CASD1: variants seen among roughly 807,000 people sequenced by gnomAD.
The protein encoded by CASD1 is N-acetylneuraminate (7)9-O-acetyltransferase.
CASD1 carries 41 observed loss-of-function variants against 100.0 expected under a neutral mutation model. That is an observed-to-expected ratio of 0.41 (90% CI 0.32 to 0.53). The LOEUF is 0.53. CASD1 is among the 20% of genes least tolerant of loss of function. The pLI is 0.25. For missense variants in CASD1, 774 were observed against 948.7 expected (o/e 0.82, Z 2.42); for synonymous variants, 321 against 315.6 (o/e 1.02, Z -0.18).
chr7:94,510,318 C>T (rs1219677524), intron 1 of CASD1, 101 bp downstream of exon 1: 1 of 930,568 alleles, frequency 1.1e-6, no homozygotes. Flanking sequence ...ACGCGGCCTT[C>T]CGCCGGCCCG....
rs369105732 is a variant in CASD1 at position 94,531,705 on chromosome 7, T to TA, written c.460-1499dup. Among the ~76,000 whole-genome samples, 678 of 152,310 alleles carry TA rather than the reference T, an allele frequency of 4.5e-3. 5 individuals carry two copies. The highest frequency in any genetic ancestry group is 0.015 in the African/African-American group (643 of 41,588). On this transcript the variant is annotated intron_variant, in intron 5 of 17. Coordinates refer to ENST00000297273, the MANE Select transcript of CASD1 (RefSeq NM_022900.5). ...TTTGTAGTATTTTACAGTAAGCATGTATTACCTTTATAGTGAAAAAGTGTC... is the reference window on the plus strand; with the variant it reads ...TTTGTAGTATTTTACAGTAAGCATGTAATTACCTTTATAGTGAAAAAGTGTC...
At chr7:94,607,024 A>G in the CASD1 span, among the ~76,000 whole-genome samples, 3 of 152,138 alleles carry the variant, frequency 2.0e-5, no homozygotes, top group Non-Finnish European at 4.4e-5. Context: ...AGAGATCTAA[A>G]ATCAATAATT....
the CASD1 span, chr7:94,628,137 TAC>T: frequency 0.041 from 38,205 of 928,906 alleles, 53 homozygotes; most frequent in East Asian, 0.089. Context: ...CAAATTACAA[TAC>T]ACACACACAC....
intron 7 of CASD1, among the ~76,000 whole-genome samples, chr7:94,534,958 T>A (rs1795047335): frequency 6.6e-6 from 1 of 152,204 alleles, no homozygotes; most frequent in South Asian, 2.1e-4. Context: ...AGCAGTCTTC[T>A]ATAACTCATT....
chr7:94,541,360 A>G (rs1795383970), intron 10 of CASD1, among the ~76,000 whole-genome samples: 1 of 151,858 alleles, frequency 6.6e-6, no homozygotes, highest in Non-Finnish European at 1.5e-5. Flanking sequence ...CTAAAAGATA[A>G]CTGTATCAAA....
chr7:94,558,500 A>G (rs1584445329), downstream of CASD1, among the ~76,000 whole-genome samples: 1 of 152,198 alleles, frequency 6.6e-6, no homozygotes, highest in Admixed American at 6.5e-5. Flanking sequence ...TTAATAGTGA[A>G]GACTGAAATA....
Position 94,547,171 on chromosome 7 carries a change from C to A in CASD1, c.1709C>A (p.Ser570Tyr). The A allele has an allele frequency of 1.3e-6, 2 of 1,574,458 alleles. No homozygotes were observed. The highest frequency in any genetic ancestry group is 8.6e-7 in the Non-Finnish European group (1 of 1,157,778). ...LLLFICFLAYSQGAFEKIFSL... is the reference protein window; with the variant it reads ...LLLFICFLAYYQGAFEKIFSL... ...TTATTCATATGTTTTTTGGCATATT[C>A]TCAGGTTTGTACAATCTTTTCAGTT... Residue 570 changes from serine to tyrosine, a missense_variant, in exon 13 of 18, where the codon TCT becomes TAT. By Grantham distance (144) the Ser-to-Tyr change is moderately radical (BLOSUM62 -2). This residue lies in a region of CASD1 where 453 missense variants were observed against 532.6 expected (regional missense o/e 0.85). Transcript: ENST00000297273.
chr7:94,586,259 A>AC, the CASD1 span, among the ~76,000 whole-genome samples: 3 of 152,108 alleles, frequency 2.0e-5, no homozygotes, highest in East Asian at 5.8e-4. Context: ...GTTTGATGAT[A>AC]ATCATGCATA....
chr7:94,575,939 A>C, the CASD1 span, among the ~76,000 whole-genome samples: 6 of 152,124 alleles, frequency 3.9e-5, no homozygotes, highest in African/African-American at 1.4e-4. Flanking sequence ...CAATAGTTTG[A>C]TCATGATGTG....
chr7:94,588,979 C>T, the CASD1 span: 1 of 515,212 alleles, frequency 1.9e-6, no homozygotes. Flanking sequence ...TACCTCACAA[C>T]AACCCTAAGA....
At chr7:94,533,581 A>C (rs1207567349) in intron 6 of CASD1, 98 bp from the exon 7 acceptor site, 2 of 868,498 alleles carry the variant, frequency 2.3e-6, no homozygotes, top group Middle Eastern at 3.8e-4. Flanking sequence ...AAAATGAGAA[A>C]TATCTAAAAT....
At chr7:94,510,717 A>G (rs1348262208) in intron 1 of CASD1, among the ~76,000 whole-genome samples, 1 of 152,206 alleles carries the variant, frequency 6.6e-6, no homozygotes, top group Non-Finnish European at 1.5e-5. Context: ...TCTGCCCTGT[A>G]ACACCCAGTC....
chr7:94,577,153 C>T, the CASD1 span, among the ~76,000 whole-genome samples: 4 of 152,110 alleles, frequency 2.6e-5, no homozygotes, highest in African/African-American at 9.7e-5. Flanking sequence ...GTTTCCTGGG[C>T]AGTTTCTATT....
At chr7:94,512,652 CA>C (rs1793771210) in intron 1 of CASD1, among the ~76,000 whole-genome samples, 1 of 152,174 alleles carries the variant, frequency 6.6e-6, no homozygotes, top group Admixed American at 6.5e-5. Context: ...TCTTTATAAC[CA>C]TTCTATGAGG....
At chr7:94,630,184 C>T in the CASD1 span, among the ~76,000 whole-genome samples, 1 of 151,828 alleles carries the variant, frequency 6.6e-6, no homozygotes, top group Non-Finnish European at 1.5e-5. Flanking sequence ...CAACAAAATA[C>T]ATCATGAGAA....
intron 13 of CASD1, among the ~76,000 whole-genome samples, chr7:94,547,637 A>G (rs1251546678): frequency 1.3e-5 from 2 of 151,004 alleles, no homozygotes; most frequent in Non-Finnish European, 3.0e-5. Context: ...TGTTTAATTA[A>G]ATAAAACTTT....
intron 3 of CASD1, among the ~76,000 whole-genome samples, chr7:94,525,849 A>G (rs1338578363): frequency 1.3e-5 from 2 of 152,234 alleles, no homozygotes; most frequent in Non-Finnish European, 2.9e-5. Context: ...AGATTACAGT[A>G]TAAATACTAT....
At chr7:94,588,263 C>T in the CASD1 span, 2 of 1,043,050 alleles carry the variant, frequency 1.9e-6, no homozygotes, top group Non-Finnish European at 2.3e-6. Flanking sequence ...AGCCATTTCT[C>T]ATTTATCCCC....
At chr7:94,521,769 G>A (rs1368611469) in intron 3 of CASD1, among the ~76,000 whole-genome samples, 4 of 152,272 alleles carry the variant, frequency 2.6e-5, no homozygotes, top group South Asian at 4.1e-4. Flanking sequence ...CTACATATAT[G>A]TGGCAGGGAT....
Sources: allele counts gnomAD v4.1 joint callset (sites outside exome capture counted in the v4.1 genomes callset), GRCh38; gene constraint gnomAD v4.1.1; regional missense constraint gnomAD v4.1.1; transcripts MANE v1.5; gene names NCBI Gene and HGNC (gene_info 2026-07-23, HGNC 2026-07-21).